NCEH1: variants seen among roughly 807,000 people sequenced by gnomAD.
The protein encoded by NCEH1 is neutral cholesterol ester hydrolase 1.
In NCEH1, 9 loss-of-function variants were observed where a neutral mutation model predicts 25.4. The ratio of observed to expected loss-of-function variants is 0.35; its 90% CI spans 0.21 to 0.62. The LOEUF is 0.62. Among genes scored for constraint, NCEH1 ranks in the 20% least tolerant of loss-of-function variants. NCEH1 has a pLI of 0.72. For missense variants in NCEH1, 412 were observed against 501.1 expected (o/e 0.82, Z 1.70); for synonymous variants, 200 against 199.8 (o/e 1.00, Z -0.01).
chr3:172,710,755 C>T, intron 1 of NCEH1, 92 bp downstream of exon 1: 1 of 1,454,862 alleles, frequency 6.9e-7, no homozygotes, highest in Non-Finnish European at 9.4e-7. Context: ...GAAAAACCTG[C>T]GTTTTCGTGG....
chr3:172,649,312 C>A (rs1018360600), intron 1 of NCEH1, among the ~76,000 whole-genome samples: 1 of 152,082 alleles, frequency 6.6e-6, no homozygotes. Context: ...TATATTATAA[C>A]AGCATTAGCA....
chr3:172,648,152 C>A (rs551918479), intron 1 of NCEH1, 38 bp from the exon 2 acceptor site: 2 of 1,611,068 alleles, frequency 1.2e-6, no homozygotes, highest in Non-Finnish European at 1.7e-6. Flanking sequence ...GGAGGGCGCA[C>A]GTCAACTTGG....
At chr3:172,653,764 T>TTTG (rs1307879188) in intron 1 of NCEH1, among the ~76,000 whole-genome samples, 1,305 of 48,128 alleles carry the variant, frequency 0.027, 52 homozygotes, top group African/African-American at 0.066. Flanking sequence ...TTTTTTGTTT[T>TTTG]TTTTTTTTTT....
chr3:172,698,489 G>GT, intron 1 of NCEH1, among the ~76,000 whole-genome samples: 1 of 152,236 alleles, frequency 6.6e-6, no homozygotes, highest in Admixed American at 6.5e-5. Flanking sequence ...AGATTTCAAA[G>GT]TTTTCAAAGA....
At chr3:172,674,765 TG>T (rs2108515180) in intron 1 of NCEH1, among the ~76,000 whole-genome samples, 1 of 152,304 alleles carries the variant, frequency 6.6e-6, no homozygotes, top group Non-Finnish European at 1.5e-5. Context: ...GCACCCACAA[TG>T]TGGAATTCTG....
chr3:172,647,767 A>G (rs1048438763), intron 2 of NCEH1, 119 bp downstream of exon 2: 14 of 1,411,640 alleles, frequency 9.9e-6, no homozygotes, highest in Non-Finnish European at 1.3e-5. Flanking sequence ...AACTGGGACC[A>G]TCCAGGGGAA....
chr3:172,660,643 T>C (rs1717931741), intron 1 of NCEH1, among the ~76,000 whole-genome samples: 1 of 152,220 alleles, frequency 6.6e-6, no homozygotes, highest in Non-Finnish European at 1.5e-5. Flanking sequence ...ACCTGTTGTT[T>C]CCTGACTTTG....
At chr3:172,672,636 C>CT (rs1295542782) in intron 1 of NCEH1, among the ~76,000 whole-genome samples, 2 of 152,130 alleles carry the variant, frequency 1.3e-5, no homozygotes, top group African/African-American at 4.8e-5. Flanking sequence ...CAAATAGCAC[C>CT]TTAGAGAACC....
At chr3:172,668,386 G>A (rs1353065375) in intron 1 of NCEH1, among the ~76,000 whole-genome samples, 15 of 110,272 alleles carry the variant, frequency 1.4e-4, no homozygotes, top group Admixed American at 2.8e-4. Context: ...AGAGAGTCTC[G>A]CTCTGTTGCC....
chr3:172,661,055 T>G (rs1418508708), intron 1 of NCEH1, among the ~76,000 whole-genome samples: 1 of 152,230 alleles, frequency 6.6e-6, no homozygotes, highest in Non-Finnish European at 1.5e-5. Flanking sequence ...CCCATGCCTA[T>G]GTCCCTGAAT....
At chr3:172,679,928 C>G (rs370032490) in intron 1 of NCEH1, among the ~76,000 whole-genome samples, 1 of 152,224 alleles carries the variant, frequency 6.6e-6, no homozygotes, top group South Asian at 2.1e-4. Context: ...AATGACACAC[C>G]TGGTCAAACC....
At chr3:172,649,092 G>A (rs184527821) in intron 1 of NCEH1, among the ~76,000 whole-genome samples, 69 of 152,276 alleles carry the variant, frequency 4.5e-4, no homozygotes, top group Non-Finnish European at 8.2e-4. Flanking sequence ...CAGCTTCTCA[G>A]GCTGTGCACA....
At chr3:172,645,843 T>C (rs1035988398) in intron 2 of NCEH1, 151 bp from the exon 3 acceptor site, 8 of 488,266 alleles carry the variant, frequency 1.6e-5, no homozygotes, top group African/African-American at 1.6e-4. Context: ...TAGAGTTACA[T>C]GTACACATGA....
intron 3 of NCEH1, among the ~76,000 whole-genome samples, chr3:172,644,821 T>C (rs1164768823): frequency 2.0e-5 from 3 of 152,208 alleles, no homozygotes; most frequent in African/African-American, 7.2e-5. Flanking sequence ...AAAATTCATA[T>C]TGTCTATTTC....
intron 1 of NCEH1, among the ~76,000 whole-genome samples, chr3:172,691,899 A>G (rs188493936): frequency 0.014 from 2,056 of 150,048 alleles, 21 homozygotes; most frequent in Non-Finnish European, 0.021. Flanking sequence ...GTGAGCCGAG[A>G]TCGTGCCACT....
rs558261491 is a variant in NCEH1, at chr3:172,655,737, G to A, written c.139-7623C>T. Among the ~76,000 whole-genome samples the A allele has an allele frequency of 3.3e-5, 5 of 152,318 alleles. No homozygotes were observed. The South Asian group carries it at 6.2e-4, about 19-fold the overall frequency. On this transcript the variant is annotated intron_variant, in intron 1 of 4. Coordinates refer to ENST00000475381, the MANE Select transcript of NCEH1 (RefSeq NM_020792.6). ...AACCCAACTCTGATCAAAGCACAGC[G>A]CTGAGCACCATTTCTGGGAGGATTT... is the stretch of plus-strand genomic sequence containing the variant.
rs1716359639 is a variant in NCEH1, at chr3:172,631,657, C to CACAT, written c.*1814_*1817dup. ...GGTTATTTTTATACACACACAGGCA[C>CACAT]ACATACATACTGTTGCATTGACTTC... On this transcript the variant is annotated 3_prime_UTR_variant, in exon 5 of 5. Coordinates refer to ENST00000475381, the MANE Select transcript of NCEH1 (RefSeq NM_020792.6). 6.6e-6 allele frequency: 1 copy of CACAT among 152,630 alleles called. No homozygotes were observed. Among genetic ancestry groups the CACAT allele is most frequent in the East Asian group, 1.9e-4 (1 of 5,206 alleles). 9.5% of individuals were successfully genotyped at this position (152,630 alleles called of 1,614,324 possible).
At chr3:172,671,133 A>C (rs1321548200) in intron 1 of NCEH1, among the ~76,000 whole-genome samples, 1 of 152,188 alleles carries the variant, frequency 6.6e-6, no homozygotes, top group Non-Finnish European at 1.5e-5. Flanking sequence ...AATCTTAGCA[A>C]GCAGCTTCTC....
rs372062169 is a variant in NCEH1, at chr3:172,641,263, C to T, written c.437+4360G>A. ...AACACTGTAATGTATTTAACAAATACTTATTGTGCAATTAATATGTAAAAA... is the reference window on the plus strand; with the variant it reads ...AACACTGTAATGTATTTAACAAATATTTATTGTGCAATTAATATGTAAAAA... On this transcript the variant is annotated intron_variant, in intron 3 of 4. Transcript: ENST00000475381. Among the ~76,000 whole-genome samples the T allele has an allele frequency of 4.3e-4, 65 of 152,128 alleles. No homozygotes were observed. The East Asian group carries it at 0.011, about 27-fold the overall frequency.
Sources: gnomAD v4.1 joint callset for allele counts (sites outside exome capture counted in the v4.1 genomes callset) on GRCh38, gnomAD v4.1.1 for gene constraint, MANE v1.5 for transcripts, NCBI Gene and HGNC (gene_info 2026-07-23, HGNC 2026-07-21) for gene names.